The following TENM2 variants were observed in gnomAD, a reference collection of about 807,000 sequenced individuals.
TENM2 encodes teneurin-2.
TENM2 carries 52 observed loss-of-function variants against 245.2 expected under a neutral mutation model. The ratio of observed to expected loss-of-function variants is 0.21; its 90% CI spans 0.17 to 0.27. The LOEUF (loss-of-function observed/expected upper bound fraction) is 0.27, where lower values mean the gene tolerates loss of function less well. Among genes scored for constraint, TENM2 ranks in the 10% least tolerant of loss-of-function variants. The pLI is 1.00. For missense variants in TENM2, 3,046 were observed against 3,666.8 expected (o/e 0.83, Z 4.37); for synonymous variants, 1,363 against 1,438.9 (o/e 0.95, Z 1.19).
chr5:167,819,089 C>G (rs117380456), intron 2 of TENM2, among the ~76,000 whole-genome samples: 1 of 151,426 alleles, frequency 6.6e-6, no homozygotes, highest in Admixed American at 6.6e-5. Context: ...TGTGTGCGTG[C>G]GCGTTCTCTA....
chr5:167,422,075 C>A lies in TENM2; in HGVS notation c.502+46602C>A, dbSNP rs189926835. Among the ~76,000 whole-genome samples, 399 of 152,298 alleles carry A rather than the reference C, an allele frequency of 2.6e-3. 3 individuals carry two copies. The highest frequency in any genetic ancestry group is 9.2e-3 in the African/African-American group (382 of 41,570). ...AAAGTGCTGGGATTACAGGCGTGAG[C>A]CACCATTCCCGGCCGGTAGTATTCT... On this transcript the variant is annotated intron_variant, in intron 2 of 28. Transcript: ENST00000518659.
intron 2 of TENM2, among the ~76,000 whole-genome samples, chr5:167,502,705 T>C (rs1221969140): frequency 3.3e-5 from 5 of 152,242 alleles, no homozygotes; most frequent in African/African-American, 1.2e-4. Flanking sequence ...TGGTTGATTT[T>C]AGTCAAAATC....
intron 25 of TENM2, among the ~76,000 whole-genome samples, chr5:168,237,109 G>A (rs1218307509): frequency 5.3e-5 from 7 of 132,260 alleles, no homozygotes; most frequent in Non-Finnish European, 7.8e-5. Flanking sequence ...TCCACCTCCC[G>A]GGTTCAAGCC....
chr5:167,435,957 T>C (rs999229918), intron 2 of TENM2, among the ~76,000 whole-genome samples: 6 of 145,672 alleles, frequency 4.1e-5, no homozygotes, highest in African/African-American at 1.6e-4. Context: ...TAGAAGAAAT[T>C]TCTTTTTCTT....
At chr5:167,611,384 T>C (rs1480347360) in intron 2 of TENM2, among the ~76,000 whole-genome samples, 3 of 151,994 alleles carry the variant, frequency 2.0e-5, no homozygotes, top group Non-Finnish European at 4.4e-5. Context: ...GAATATACAG[T>C]CCTGCTAGAA....
intron 2 of TENM2, among the ~76,000 whole-genome samples, chr5:167,872,537 AAAG>A (rs1773037817): frequency 2.0e-5 from 1 of 50,910 alleles, no homozygotes; most frequent in African/African-American, 5.7e-5. Context: ...AGAAAGAAAG[AAAG>A]AAAGAAAGAG....
At chr5:167,826,082 G>A (rs1385302500) in intron 2 of TENM2, among the ~76,000 whole-genome samples, 3 of 152,184 alleles carry the variant, frequency 2.0e-5, no homozygotes, top group Non-Finnish European at 2.9e-5. Context: ...CTTACCCCTA[G>A]CATGTGCAAA....
rs375512547 is a variant in TENM2, at chr5:168,036,451, A to G, written c.1187-10976A>G. Reference sequence around the variant, plus strand: ...CAGGAGTTTGAGACCAGCCTGGCCAAATGGTGAAACCCCATCTCTACTAAA... The same window carrying G: ...CAGGAGTTTGAGACCAGCCTGGCCAGATGGTGAAACCCCATCTCTACTAAA... On this transcript the variant is annotated intron_variant, in intron 5 of 28. Coordinates refer to ENST00000518659, the Ensembl canonical transcript of TENM2. Among the ~76,000 whole-genome samples, 10 of 151,734 alleles carry G rather than the reference A, an allele frequency of 6.6e-5. No individual in the cohort carries two copies. The South Asian group carries it at 2.1e-3, about 32-fold the overall frequency.
Position 167,398,377 on chromosome 5 carries a change from CCTTTCTTTCTTTCTTTCTTT to C in TENM2, c.502+22923_502+22942del, listed in dbSNP as rs33991275. Among the ~76,000 whole-genome samples, 432 of 137,130 alleles carry C rather than the reference CCTTTCTTTCTTTCTTTCTTT, an allele frequency of 3.2e-3. 1 individual carries two copies. The highest frequency in any genetic ancestry group is 9.8e-3 in the African/African-American group (359 of 36,620). The allele number at this position is 137,130 out of a possible 152,430, so 90.0% of individuals were successfully genotyped here. On this transcript the variant is annotated intron_variant, in intron 2 of 28. Transcript: ENST00000518659. The stretch of plus-strand genomic sequence containing the variant: ...TCTTTCTTTCTTTCCTTTCTTTCTT[CCTTTCTTTCTTTCTTTCTTT>C]CTTTCTTTCTTTCTTTCTCTCTCTC...
At chr5:167,304,205 C>G (rs546707337) in intron 1 of TENM2, among the ~76,000 whole-genome samples, 2 of 152,328 alleles carry the variant, frequency 1.3e-5, no homozygotes, top group African/African-American at 4.8e-5. Context: ...GCTTCTTCCC[C>G]TCATCCTGAG....
chr5:167,029,800 T>C, the TENM2 span, among the ~76,000 whole-genome samples: 1 of 152,106 alleles, frequency 6.6e-6, no homozygotes, highest in Non-Finnish European at 1.5e-5. Context: ...TACTTTATTA[T>C]TTTCACAATC....
In TENM2 at chr5:167,507,629, A is replaced by T. The variant is rs60403734; in HGVS notation, c.502+132156A>T. Reference sequence around the variant, plus strand: ...GGTGGCACTAGTGTCATGAGTAATAATGGCTTCCCCCTTCAACCCTGTCAA... The same window carrying T: ...GGTGGCACTAGTGTCATGAGTAATATTGGCTTCCCCCTTCAACCCTGTCAA... On this transcript the variant is annotated intron_variant, in intron 2 of 28. Coordinates refer to ENST00000518659, the Ensembl canonical transcript of TENM2. Among the ~76,000 whole-genome samples the T allele has an allele frequency of 1.4e-3, 218 of 152,264 alleles. 3 individuals carry two copies. Among genetic ancestry groups the T allele is most frequent in the African/African-American group, 5.0e-3 (207 of 41,570 alleles).
At chr5:167,378,977 A>T (rs1760936320) in intron 2 of TENM2, among the ~76,000 whole-genome samples, 1 of 152,072 alleles carries the variant, frequency 6.6e-6, no homozygotes, top group South Asian at 2.1e-4. Flanking sequence ...TTGGTATGAA[A>T]TAGGAAGCTA....
At chr5:167,252,150 G>A in the TENM2 span, among the ~76,000 whole-genome samples, 9 of 152,086 alleles carry the variant, frequency 5.9e-5, no homozygotes, top group Non-Finnish European at 1.0e-4. Context: ...AAACCCAAAA[G>A]AGAAGAGCTT....
At chr5:167,171,270 C>T in the TENM2 span, among the ~76,000 whole-genome samples, 18 of 152,236 alleles carry the variant, frequency 1.2e-4, no homozygotes, top group East Asian at 1.9e-3. Context: ...ACATTTGTTC[C>T]GCCTGGTAGC....
chr5:168,157,947 G>A (rs552411644), intron 12 of TENM2, among the ~76,000 whole-genome samples: 3 of 152,190 alleles, frequency 2.0e-5, no homozygotes, highest in Admixed American at 6.5e-5. Context: ...TTTTGAGACC[G>A]AGTCTCACTC....
Position 167,505,074 on chromosome 5 carries a change from C to T in TENM2, c.502+129601C>T, listed in dbSNP as rs1017940690. 2.0e-5 allele frequency among the ~76,000 whole-genome samples: 3 copies of T among 152,014 alleles called. No individual in the cohort carries two copies. The South Asian group carries it at 6.2e-4, about 32-fold the overall frequency. The stretch of plus-strand genomic sequence containing the variant: ...TAAAGTGAGGCTTTGCGTTTATTGG[C>T]GGGGATGGATTGTATCTATTCCATT... On this transcript the variant is annotated intron_variant, in intron 2 of 28. Transcript: ENST00000518659.
At chr5:167,066,748 A>G in the TENM2 span, among the ~76,000 whole-genome samples, 1 of 152,174 alleles carries the variant, frequency 6.6e-6, no homozygotes, top group Admixed American at 6.5e-5. Flanking sequence ...AAATTTCCTG[A>G]AAATGAGCCA....
chr5:167,991,872 A>G (rs1282697167), intron 4 of TENM2, among the ~76,000 whole-genome samples: 1 of 152,236 alleles, frequency 6.6e-6, no homozygotes, highest in Non-Finnish European at 1.5e-5. Context: ...TCTGGGTTTC[A>G]GTCCTCAGAC....
Sources: allele counts gnomAD v4.1 joint callset (sites outside exome capture counted in the v4.1 genomes callset), GRCh38; gene constraint gnomAD v4.1.1; transcripts MANE v1.5; gene names NCBI Gene and HGNC (gene_info 2026-07-23, HGNC 2026-07-21).